OSBPL5: variants seen among roughly 807,000 people sequenced by gnomAD.
OSBPL5 encodes oxysterol-binding protein-related protein 5.
A neutral mutation model predicts 111.2 loss-of-function variants in OSBPL5; 71 were observed. The observed-to-expected ratio is 0.64, with a 90% CI of 0.53 to 0.78. OSBPL5 has a LOEUF of 0.78. Ranked by LOEUF, OSBPL5 falls within the 30% of genes least tolerant of loss-of-function variation. The pLI, the probability that OSBPL5 is intolerant of heterozygous loss-of-function variation, is 0.00. For synonymous variants in OSBPL5, 549 were observed against 513.9 expected, an observed-to-expected ratio of 1.07 and a Z score of -0.93; for missense variants, 1,210 against 1,189.3, an observed-to-expected ratio of 1.02 and a Z score of -0.26.
At chr11:3,116,530 G>A (rs1487782732) in intron 7 of OSBPL5, among the ~76,000 whole-genome samples, 1 of 152,174 alleles carries the variant, frequency 6.6e-6, no homozygotes, top group East Asian at 1.9e-4. Flanking sequence ...AAGCAGAACA[G>A]GAATTAACTG....
chr11:3,141,454 A>C lies in OSBPL5; in HGVS notation c.-21-12285T>G, dbSNP rs1292572962. On this transcript the variant is annotated intron_variant, in intron 1 of 21. Transcript: ENST00000263650. The surrounding 1 kb of genome is among the most constrained non-coding windows in gnomAD (Gnocchi z 6.5). ...AACAGAGCTTCCAGAAGGGCCCCCA[A>C]TCTGTCTCTCAGGAAATGGGGGGGG... Among the ~76,000 whole-genome samples, 1 of 152,052 alleles carries C rather than the reference A, an allele frequency of 6.6e-6. No homozygotes were observed. Among genetic ancestry groups the C allele is most frequent in the African/African-American group, 2.4e-5 (1 of 41,412 alleles).
chr11:3,106,095 C>T lies in OSBPL5; in HGVS notation c.1059+1168G>A, dbSNP rs1466942120. On this transcript the variant is annotated intron_variant, in intron 9 of 21. Transcript: ENST00000263650. The surrounding 1 kb of genome is among the most constrained non-coding windows in gnomAD (Gnocchi z 8.4). ...GGCCCTCGGTCCACTCCCCATAGGC[C>T]CATCCTAACCTTCCCATCCCCGCAC... Among the ~76,000 whole-genome samples the T allele has an allele frequency of 6.6e-6, 1 of 152,076 alleles. No individual in the cohort carries two copies. The highest frequency in any genetic ancestry group is 1.9e-4 in the East Asian group (1 of 5,170).
chr11:3,110,129 G>C lies in OSBPL5; in HGVS notation c.692-2184C>G, dbSNP rs1055306321. On this transcript the variant is annotated intron_variant, in intron 7 of 21. Coordinates refer to ENST00000263650, the MANE Select transcript of OSBPL5 (RefSeq NM_020896.4). The surrounding 1 kb of genome is among the most constrained non-coding windows in gnomAD (Gnocchi z 5.3). ...CATGGATGTGGCATCTGACCACCAG[G>C]GGTGATGTGGCACCGAGACTCCAAC... Among the ~76,000 whole-genome samples the C allele has an allele frequency of 6.6e-6, 1 of 152,188 alleles. No homozygotes were observed. The highest frequency in any genetic ancestry group is 2.4e-5 in the African/African-American group (1 of 41,442).
intron 1 of OSBPL5, among the ~76,000 whole-genome samples, chr11:3,135,273 A>C (rs1397252801): frequency 6.6e-6 from 1 of 152,118 alleles, no homozygotes; most frequent in Non-Finnish European, 1.5e-5. Flanking sequence ...TTGACTACTC[A>C]AGCACCTCTG....
chr11:3,151,540 G>C (rs529413509), intron 1 of OSBPL5, among the ~76,000 whole-genome samples: 27 of 152,344 alleles, frequency 1.8e-4, no homozygotes, highest in South Asian at 1.7e-3. Context: ...TGTGCTGGGG[G>C]TGCATCCAAA....
intron 1 of OSBPL5, among the ~76,000 whole-genome samples, chr11:3,153,941 T>C (rs1846667548): frequency 1.3e-5 from 2 of 152,230 alleles, no homozygotes; most frequent in East Asian, 3.9e-4. Context: ...CCAGATAAGG[T>C]GGCTGCAGCT....
chr11:3,088,470 G>T, intron 21 of OSBPL5, 127 bp from the exon 22 acceptor site: 2 of 1,116,268 alleles, frequency 1.8e-6, no homozygotes, highest in Non-Finnish European at 1.2e-6. Context: ...AGATGGGATG[G>T]CCCTCCAGGG....
chr11:3,150,181 T>C (rs916895171), intron 1 of OSBPL5, among the ~76,000 whole-genome samples: 1 of 152,122 alleles, frequency 6.6e-6, no homozygotes, highest in African/African-American at 2.4e-5. Flanking sequence ...GGCTCCAGGC[T>C]AAGGACTGCA....
rs754324666 is a variant in OSBPL5, at chr11:3,126,460, C to G, written c.219+13G>C. ...GCTCTGGCTCATGGATCCTCCTATA[C>G]CCAGGCTCTTACCGGTGGCACCTTC... On this transcript the variant is annotated intron_variant, in intron 3 of 21. Transcript: ENST00000263650. This position sits in a 1 kb window ranked among gnomAD's most constrained non-coding sequence, Gnocchi z 6.5. 5 of 1,605,784 alleles carry G rather than the reference C, an allele frequency of 3.1e-6. 1 individual carries two copies. In the South Asian group the frequency reaches 5.6e-5, roughly 18 times the overall value.
rs368837285 is a variant in OSBPL5, at chr11:3,121,635, C to T, written c.402+362G>A. 6.6e-6 allele frequency among the ~76,000 whole-genome samples: 1 copy of T among 152,180 alleles called. No individual in the cohort carries two copies. Among genetic ancestry groups the T allele is most frequent in the Admixed American group, 6.5e-5 (1 of 15,272 alleles). On this transcript the variant is annotated intron_variant, in intron 5 of 21. Coordinates refer to ENST00000263650, the MANE Select transcript of OSBPL5 (RefSeq NM_020896.4). The surrounding 1 kb of genome is among the most constrained non-coding windows in gnomAD (Gnocchi z 4.3). ...CCGTGAGGTCTGAACACAGGACACC[C>T]GGCCCTGATGTGGGGTCCTCTCCCA... is the stretch of plus-strand genomic sequence containing the variant.
intron 1 of OSBPL5, among the ~76,000 whole-genome samples, chr11:3,151,674 C>T (rs1003749071): frequency 1.3e-5 from 2 of 152,254 alleles, no homozygotes; most frequent in African/African-American, 4.8e-5. Context: ...GCTGAACACA[C>T]TGTCCTGGCG....
chr11:3,101,694 G>A lies in OSBPL5; in HGVS notation c.1431C>T (p.Ser477=), dbSNP rs780183372. Residue 477 remains serine (S), a synonymous_variant, in exon 13 of 22, where the codon TCC becomes TCT. Transcript: ENST00000263650. ...SRTFYIAEQV[S]HHPPVSAFHV... The stretch of plus-strand genomic sequence containing the variant: ...GGAAGGCAGACACGGGCGGGTGGTG[G>A]GACACCTGCGTGCAGGGAGGCGGCT... The A allele has an allele frequency of 1.9e-6, 3 of 1,613,292 alleles. No homozygotes were observed. Among genetic ancestry groups the A allele is most frequent in the African/African-American group, 1.3e-5 (1 of 75,042 alleles).
At chr11:3,129,236 G>A in intron 1 of OSBPL5, 67 bp from the exon 2 acceptor site, 1 of 1,326,614 alleles carries the variant, frequency 7.5e-7, no homozygotes, top group African/African-American at 1.5e-5. Context: ...GCCACATGGT[G>A]GGGGTGCCCC....
intron 19 of OSBPL5, among the ~76,000 whole-genome samples, chr11:3,091,954 A>ACCTGG (rs1857072106): frequency 6.6e-6 from 1 of 152,070 alleles, no homozygotes; most frequent in Non-Finnish European, 1.5e-5. Flanking sequence ...GTTTGGCGCC[A>ACCTGG]CCTGGTGGCC....
rs1333839308 is a variant in OSBPL5 at position 3,111,500 on chromosome 11, C to G, written c.692-3555G>C. On this transcript the variant is annotated intron_variant, in intron 7 of 21. Coordinates refer to ENST00000263650, the MANE Select transcript of OSBPL5 (RefSeq NM_020896.4). ...AATTTCTCCTTACCATTAGAGCACTCAGTGATCACGTAAGTTGTGCGATTG... is the reference window on the plus strand; with the variant it reads ...AATTTCTCCTTACCATTAGAGCACTGAGTGATCACGTAAGTTGTGCGATTG... 2.0e-5 allele frequency among the ~76,000 whole-genome samples: 3 copies of G among 152,184 alleles called. No homozygotes were observed. In the East Asian group the frequency reaches 5.8e-4, roughly 29 times the overall value.
Position 3,119,531 on chromosome 11 carries a change from G to T in OSBPL5, c.691+16C>A. The T allele has an allele frequency of 6.4e-7, 1 of 1,563,964 alleles. No homozygotes were observed. The highest frequency in any genetic ancestry group is 1.2e-5 in the South Asian group (1 of 84,480). On this transcript the variant is annotated intron_variant, in intron 7 of 21. Coordinates refer to ENST00000263650, the MANE Select transcript of OSBPL5 (RefSeq NM_020896.4). ...GTGGGGGCACTGGGGAGATGCGCAAGCTGGCAGGGACTCACCATCTGACTC... is the reference window on the plus strand; with the variant it reads ...GTGGGGGCACTGGGGAGATGCGCAATCTGGCAGGGACTCACCATCTGACTC...
Position 3,101,631 on chromosome 11 carries a change from G to C in OSBPL5, c.1494C>G (p.Gly498=), listed in dbSNP as rs1348489758. ...SNRKDGFCIS[G]SITAKSRFYG... is the part of the protein sequence containing the mutation. ...AAAACCTGGACTTGGCTGTGATGCT[G>C]CCACTGATGCAGAAGCCGTCCTTCC... is the stretch of plus-strand genomic sequence containing the variant. The change falls in exon 13 of 22, where the codon GGC becomes GGG. Residue 498 remains glycine, a synonymous_variant. Coordinates refer to ENST00000263650, the MANE Select transcript of OSBPL5 (RefSeq NM_020896.4). 1 of 1,613,952 alleles carries C rather than the reference G, an allele frequency of 6.2e-7. No homozygotes were observed. Among genetic ancestry groups the C allele is most frequent in the South Asian group, 1.1e-5 (1 of 91,076 alleles).
At chr11:3,112,034 T>TGTGC (rs1491348458) in intron 7 of OSBPL5, among the ~76,000 whole-genome samples, 2 of 103,374 alleles carry the variant, frequency 1.9e-5, no homozygotes, top group Non-Finnish European at 2.3e-5. Context: ...CATGTGTGTG[T>TGTGC]ATGTGTGCGC....
chr11:3,153,104 G>A (rs1406954263), intron 1 of OSBPL5, among the ~76,000 whole-genome samples: 5 of 152,006 alleles, frequency 3.3e-5, no homozygotes, highest in Admixed American at 6.6e-5. Flanking sequence ...TCCCGGCTAC[G>A]AGGTGAGCTG....
Sources: gnomAD v4.1 joint callset for allele counts (sites outside exome capture counted in the v4.1 genomes callset) on GRCh38, gnomAD v4.1.1 for gene constraint, Gnocchi (gnomAD v3.1) non-coding constraint, MANE v1.5 for transcripts, NCBI Gene and HGNC (gene_info 2026-07-23, HGNC 2026-07-21) for gene names.